Variants in TOM1L2 observed in about 807,000 individuals in gnomAD.
TOM1L2 encodes TOM1-like protein 2.
A neutral mutation model predicts 67.9 loss-of-function variants in TOM1L2; 31 were observed. The observed-to-expected ratio is 0.46, with a 90% CI of 0.34 to 0.62. The LOEUF (loss-of-function observed/expected upper bound fraction) is 0.62. Ranked by LOEUF, TOM1L2 falls within the 20% of genes least tolerant of loss-of-function variation. The pLI is 0.01. For missense variants in TOM1L2, 606 were observed against 663.5 expected (o/e 0.91, Z 0.95); for synonymous variants, 256 against 254.0 (o/e 1.01, Z -0.07).
chr17:17,907,568 C>G, intron 1 of TOM1L2, 37 bp from the exon 2 acceptor site: 1 of 1,595,290 alleles, frequency 6.3e-7, no homozygotes, highest in Non-Finnish European at 8.6e-7. Flanking sequence ...TACATTTCTC[C>G]TGGAATAAGT....
intron 7 of TOM1L2, among the ~76,000 whole-genome samples, chr17:17,877,513 A>T (rs1226083994): frequency 6.6e-6 from 1 of 152,182 alleles, no homozygotes; most frequent in Non-Finnish European, 1.5e-5. Context: ...TTGGCTGTTC[A>T]GTGTGGCTCT....
chr17:17,930,930 C>T (rs1422430013), intron 1 of TOM1L2, among the ~76,000 whole-genome samples: 2 of 152,012 alleles, frequency 1.3e-5, no homozygotes, highest in Admixed American at 6.6e-5. Flanking sequence ...TTTTTTTTCC[C>T]TAACAGTAAG....
At chr17:17,950,951 C>T (rs1398067854) in intron 1 of TOM1L2, among the ~76,000 whole-genome samples, 3 of 152,098 alleles carry the variant, frequency 2.0e-5, no homozygotes, top group Non-Finnish European at 4.4e-5. Flanking sequence ...GGCCTATGGG[C>T]AGGGAGGACC....
At chr17:17,891,782 C>CACGT (rs1329236685) in intron 4 of TOM1L2, among the ~76,000 whole-genome samples, 1 of 126,688 alleles carries the variant, frequency 7.9e-6, no homozygotes, top group Non-Finnish European at 1.6e-5. Context: ...AGTGCATGCA[C>CACGT]ACGTGTGTGT....
intron 8 of TOM1L2, chr17:17,869,065 G>A: frequency 2.3e-6 from 1 of 440,008 alleles, no homozygotes; most frequent in South Asian, 2.5e-5. Flanking sequence ...GCTGGGGGTG[G>A]CGGGGCAGTG....
At chr17:17,889,076 T>C (rs1209380487) in intron 4 of TOM1L2, among the ~76,000 whole-genome samples, 2 of 152,186 alleles carry the variant, frequency 1.3e-5, no homozygotes. Context: ...AGGCAGATCC[T>C]GTGGTGCGGG....
chr17:17,849,099 G>T (rs769223608), intron 13 of TOM1L2: 17 of 563,212 alleles, frequency 3.0e-5, no homozygotes, highest in Non-Finnish European at 5.0e-5. Flanking sequence ...TTTAGGTTTT[G>T]ATCCTCCAGA....
At chr17:17,893,247 C>G (rs946814603) in intron 4 of TOM1L2, among the ~76,000 whole-genome samples, 1 of 152,222 alleles carries the variant, frequency 6.6e-6, no homozygotes, top group African/African-American at 2.4e-5. Flanking sequence ...GAAATGTCAT[C>G]TCCTCAGTGA....
At chr17:17,864,452 C>T (rs1367318372) in intron 10 of TOM1L2, among the ~76,000 whole-genome samples, 2 of 151,752 alleles carry the variant, frequency 1.3e-5, no homozygotes, top group African/African-American at 4.8e-5. Flanking sequence ...CCTTGTGATC[C>T]ACCCGCCTCG....
intron 1 of TOM1L2, among the ~76,000 whole-genome samples, chr17:17,945,256 A>G (rs1392504588): frequency 1.3e-5 from 2 of 150,242 alleles, no homozygotes; most frequent in Non-Finnish European, 2.9e-5. Context: ...ATGTTTCACC[A>G]CACACACACA....
intron 13 of TOM1L2, among the ~76,000 whole-genome samples, chr17:17,850,501 A>C (rs944648671): frequency 6.6e-6 from 1 of 152,026 alleles, no homozygotes; most frequent in Admixed American, 6.5e-5. Flanking sequence ...AATGAAAACA[A>C]AACAAAACAA....
At chr17:17,932,672 A>G (rs1384427725) in intron 1 of TOM1L2, among the ~76,000 whole-genome samples, 1 of 152,138 alleles carries the variant, frequency 6.6e-6, no homozygotes, top group Non-Finnish European at 1.5e-5. Context: ...CTACATGCAA[A>G]TCTTACTTTA....
chr17:17,952,815 G>T (rs1349869341), intron 1 of TOM1L2, among the ~76,000 whole-genome samples: 3 of 152,202 alleles, frequency 2.0e-5, no homozygotes, highest in African/African-American at 7.2e-5. Flanking sequence ...GGCAGCCTCT[G>T]GGGTAGAGGA....
chr17:17,878,492 C>T (rs555103342), intron 7 of TOM1L2, among the ~76,000 whole-genome samples: 2 of 151,536 alleles, frequency 1.3e-5, no homozygotes, highest in African/African-American at 2.5e-5. Context: ...TCTCCACCCA[C>T]CCTCACCCCC....
chr17:17,953,694 T>C (rs1030842403), intron 1 of TOM1L2, among the ~76,000 whole-genome samples: 1 of 151,898 alleles, frequency 6.6e-6, no homozygotes, highest in Non-Finnish European at 1.5e-5. Flanking sequence ...GACACATGAG[T>C]GGGGGGAGCA....
At chr17:17,865,094 C>T (rs2036775158) in intron 10 of TOM1L2, among the ~76,000 whole-genome samples, 1 of 152,196 alleles carries the variant, frequency 6.6e-6, no homozygotes, top group South Asian at 2.1e-4. Flanking sequence ...TCCAGTATAA[C>T]CAATGTGCTA....
chr17:17,897,054 T>C (rs1453262026), intron 3 of TOM1L2, among the ~76,000 whole-genome samples: 1 of 152,256 alleles, frequency 6.6e-6, no homozygotes, highest in Non-Finnish European at 1.5e-5. Context: ...GTGTCCATCA[T>C]GCCCTGCTAG....
At chr17:17,883,355 A>G (rs2037828008) in intron 5 of TOM1L2, among the ~76,000 whole-genome samples, 1 of 152,262 alleles carries the variant, frequency 6.6e-6, no homozygotes, top group Admixed American at 6.5e-5. Context: ...CTCTGTCATT[A>G]TTAGAAGAAT....
At chr17:17,855,106 T>A (rs1324371778) in intron 12 of TOM1L2, among the ~76,000 whole-genome samples, 2 of 152,202 alleles carry the variant, frequency 1.3e-5, no homozygotes, top group African/African-American at 4.8e-5. Flanking sequence ...ACATCTTGGA[T>A]GTCAGAAGCC....
Sources: gnomAD v4.1 joint callset for allele counts (sites outside exome capture counted in the v4.1 genomes callset) on GRCh38, gnomAD v4.1.1 for gene constraint, MANE v1.5 for transcripts, NCBI Gene and HGNC (gene_info 2026-07-23, HGNC 2026-07-21) for gene names.